RBFOX1: variants seen among roughly 807,000 people sequenced by gnomAD.
The protein encoded by RBFOX1 is RNA binding protein fox-1 homolog 1.
RBFOX1 carries 8 observed loss-of-function variants against 57.7 expected under a neutral mutation model. That is an observed-to-expected ratio of 0.14 (90% CI 0.08 to 0.25). The LOEUF is 0.25. RBFOX1 is among the 10% of genes least tolerant of loss of function. The probability of loss-of-function intolerance (pLI) is 1.00; values close to 1 mark genes in which losing one functional copy is unlikely to be tolerated. For missense variants in RBFOX1, 611 were observed against 548.5 expected (o/e 1.11, Z -1.14); for synonymous variants, 326 against 222.4 (o/e 1.47, Z -4.15).
intron 3 of RBFOX1, among the ~76,000 whole-genome samples, chr16:5,765,459 C>T (rs775028599): frequency 1.3e-4 from 20 of 152,210 alleles, no homozygotes; most frequent in Non-Finnish European, 2.5e-4. Context: ...ACCCTTCTTT[C>T]CCAGAGTCAA....
At chr16:7,186,055 T>C (rs946985329) in intron 4 of RBFOX1, among the ~76,000 whole-genome samples, 2 of 152,114 alleles carry the variant, frequency 1.3e-5, no homozygotes, top group African/African-American at 2.4e-5. Context: ...CTGGGAAACA[T>C]GAATGCTACT....
chr16:6,697,289 G>A (rs1389556164), intron 3 of RBFOX1, among the ~76,000 whole-genome samples: 3 of 152,146 alleles, frequency 2.0e-5, no homozygotes, highest in African/African-American at 4.8e-5. Context: ...TCCACCCACT[G>A]TAGTCATGGT....
At chr16:7,006,640 G>T (rs557446027) in intron 3 of RBFOX1, among the ~76,000 whole-genome samples, 10 of 152,176 alleles carry the variant, frequency 6.6e-5, no homozygotes, top group Admixed American at 4.6e-4. Flanking sequence ...TAGAGACAAG[G>T]TCTCCCTGTG....
At chr16:6,965,359 G>A (rs900729030) in intron 3 of RBFOX1, among the ~76,000 whole-genome samples, 1 of 136,786 alleles carries the variant, frequency 7.3e-6, no homozygotes, top group African/African-American at 2.9e-5. Flanking sequence ...GTGTGTGTGT[G>A]TATGATGGAG....
chr16:5,437,816 A>T (rs542612094), intron 1 of RBFOX1, among the ~76,000 whole-genome samples: 10 of 152,316 alleles, frequency 6.6e-5, no homozygotes, highest in African/African-American at 2.4e-5. Context: ...TTTAATGAGC[A>T]TGGTCTTCTT....
At chr16:6,669,501 T>C (rs2154108278) in intron 3 of RBFOX1, among the ~76,000 whole-genome samples, 1 of 152,298 alleles carries the variant, frequency 6.6e-6, no homozygotes, top group Non-Finnish European at 1.5e-5. Flanking sequence ...GTGATTGCAG[T>C]ATGATTGACA....
At chr16:7,192,969 G>C (rs962301639) in intron 4 of RBFOX1, among the ~76,000 whole-genome samples, 1 of 152,166 alleles carries the variant, frequency 6.6e-6, no homozygotes, top group African/African-American at 2.4e-5. Flanking sequence ...TGTGTCGACA[G>C]ACATCTTTGG....
intron 4 of RBFOX1, among the ~76,000 whole-genome samples, chr16:6,009,705 C>T (rs1451055141): frequency 6.6e-6 from 1 of 152,122 alleles, no homozygotes; most frequent in Non-Finnish European, 1.5e-5. Flanking sequence ...CTCCCCCCAC[C>T]TCCAAGCCTA....
chr16:7,240,787 C>G (rs1245866756), intron 4 of RBFOX1, among the ~76,000 whole-genome samples: 1 of 152,170 alleles, frequency 6.6e-6, no homozygotes, highest in African/African-American at 2.4e-5. Flanking sequence ...CCAGGCTGGT[C>G]TCAAACTCCT....
chr16:6,086,464 A>G (rs2096085804), intron 1 of RBFOX1, among the ~76,000 whole-genome samples: 1 of 151,560 alleles, frequency 6.6e-6, no homozygotes, highest in Non-Finnish European at 1.5e-5. Flanking sequence ...ACTGTCTGAG[A>G]GTTCCTGTGA....
At chr16:6,843,387 T>C (rs1385894948) in intron 3 of RBFOX1, among the ~76,000 whole-genome samples, 2 of 152,104 alleles carry the variant, frequency 1.3e-5, no homozygotes, top group Non-Finnish European at 2.9e-5. Flanking sequence ...CCCAATCTTA[T>C]TTTCAGTTAA....
chr16:7,349,870 G>C (rs1213327369), intron 4 of RBFOX1, among the ~76,000 whole-genome samples: 3 of 152,328 alleles, frequency 2.0e-5, no homozygotes, highest in South Asian at 4.1e-4. Flanking sequence ...TTATGGGCCA[G>C]GCACGGTGGC....
chr16:6,695,489 G>C (rs2060908629), intron 3 of RBFOX1, among the ~76,000 whole-genome samples: 1 of 150,830 alleles, frequency 6.6e-6, no homozygotes, highest in African/African-American at 2.4e-5. Context: ...AAATGTATCT[G>C]GTCACTGTTG....
chr16:6,986,023 C>T (rs929936946), intron 3 of RBFOX1, among the ~76,000 whole-genome samples: 1 of 151,440 alleles, frequency 6.6e-6, no homozygotes, highest in Non-Finnish European at 1.5e-5. Flanking sequence ...CAGAAACTCA[C>T]TTTAGAGAAC....
At chr16:7,638,220 A>ATGTC (rs2143009535) in intron 11 of RBFOX1, among the ~76,000 whole-genome samples, 1 of 152,300 alleles carries the variant, frequency 6.6e-6, no homozygotes, top group South Asian at 2.1e-4. Flanking sequence ...CACTCACTAT[A>ATGTC]TGTCAGGCAT....
At chr16:7,223,263 G>T (rs537030433) in intron 4 of RBFOX1, among the ~76,000 whole-genome samples, 1 of 152,222 alleles carries the variant, frequency 6.6e-6, no homozygotes, top group Non-Finnish European at 1.5e-5. Context: ...AGGGGAGTCT[G>T]CATAGGTCCA....
chr16:7,465,989 T>C (rs1293815280), intron 4 of RBFOX1, among the ~76,000 whole-genome samples: 1 of 152,200 alleles, frequency 6.6e-6, no homozygotes, highest in Non-Finnish European at 1.5e-5. Flanking sequence ...CTAACAGATC[T>C]CATCGTTCCA....
At chr16:7,259,321 C>T (rs2094824498) in intron 4 of RBFOX1, among the ~76,000 whole-genome samples, 1 of 152,138 alleles carries the variant, frequency 6.6e-6, no homozygotes, top group Non-Finnish European at 1.5e-5. Flanking sequence ...CCCTCTCAGG[C>T]ACACACATGC....
intron 3 of RBFOX1, among the ~76,000 whole-genome samples, chr16:6,852,018 C>T (rs1010618789): frequency 1.6e-4 from 24 of 149,774 alleles, no homozygotes; most frequent in East Asian, 6.0e-4. Context: ...CTCCATCTCC[C>T]GGGTTCATGC....
Sources: gnomAD v4.1 joint callset for allele counts (sites outside exome capture counted in the v4.1 genomes callset) on GRCh38, gnomAD v4.1.1 for gene constraint, MANE v1.5 for transcripts, NCBI Gene and HGNC (gene_info 2026-07-23, HGNC 2026-07-21) for gene names.